The following ZNF420 variants were observed in gnomAD, a reference collection of about 807,000 sequenced individuals.
The protein encoded by ZNF420 is zinc finger protein 420.
A neutral mutation model predicts 44.7 loss-of-function variants in ZNF420; 31 were observed. The observed-to-expected ratio is 0.69, with a 90% CI of 0.52 to 0.94. The LOEUF is 0.94. Ranked by LOEUF, ZNF420 falls within the 40% of genes least tolerant of loss-of-function variation. The probability of loss-of-function intolerance (pLI) is 0.00; values close to 1 mark genes in which losing one functional copy is unlikely to be tolerated. For missense variants in ZNF420, 681 were observed against 827.9 expected, an observed-to-expected ratio of 0.82 and a Z score of 2.18; for synonymous variants, 245 against 267.4, an observed-to-expected ratio of 0.92 and a Z score of 0.82.
At chr19:37,124,905 C>T (rs184147308) in intron 4 of ZNF420, among the ~76,000 whole-genome samples, 115 of 152,002 alleles carry the variant, frequency 7.6e-4, no homozygotes, top group Admixed American at 2.4e-3. Context: ...GGCATGATCT[C>T]GGCTCACTGC....
At chr19:37,121,945 T>C (rs1242573402) in intron 4 of ZNF420, among the ~76,000 whole-genome samples, 1 of 152,102 alleles carries the variant, frequency 6.6e-6, no homozygotes, top group Non-Finnish European at 1.5e-5. Flanking sequence ...ATGGCAATCA[T>C]TAAAAAGTCA....
At chr19:37,119,215 T>A (rs1970877564) in intron 4 of ZNF420, among the ~76,000 whole-genome samples, 1 of 151,910 alleles carries the variant, frequency 6.6e-6, no homozygotes. Flanking sequence ...GACCACATAG[T>A]TCGAAGTAAA....
At chr19:37,040,984 A>T (rs1244278524) in intron 1 of ZNF420, among the ~76,000 whole-genome samples, 1 of 151,890 alleles carries the variant, frequency 6.6e-6, no homozygotes, top group Non-Finnish European at 1.5e-5. Flanking sequence ...GCTTACTGGA[A>T]AATTATAGGC....
At chr19:37,065,284 G>C (rs1012528884) in intron 1 of ZNF420, among the ~76,000 whole-genome samples, 1 of 152,194 alleles carries the variant, frequency 6.6e-6, no homozygotes, top group Non-Finnish European at 1.5e-5. Flanking sequence ...CTTTAGCATA[G>C]AGCTTGGTGT....
At chr19:37,125,367 G>A (rs1462785309) in intron 4 of ZNF420, among the ~76,000 whole-genome samples, 1 of 152,168 alleles carries the variant, frequency 6.6e-6, no homozygotes, top group African/African-American at 2.4e-5. Flanking sequence ...CTATTTGAAA[G>A]GGATAGAGAG....
At chr19:37,054,471 G>C (rs138681040) in intron 1 of ZNF420, among the ~76,000 whole-genome samples, 214 of 152,250 alleles carry the variant, frequency 1.4e-3, no homozygotes, top group African/African-American at 4.9e-3. Context: ...CTCTAGACTG[G>C]AGCTGTTCCT....
intron 1 of ZNF420, among the ~76,000 whole-genome samples, chr19:37,062,277 T>G (rs1568434147): frequency 6.6e-6 from 1 of 152,216 alleles, no homozygotes; most frequent in East Asian, 1.9e-4. Context: ...GTTCTAGAAG[T>G]CATAGGAAAG....
intron 1 of ZNF420, among the ~76,000 whole-genome samples, chr19:37,035,821 C>CAAT (rs56869716): frequency 0.56 from 84,685 of 151,648 alleles, 25,146 homozygotes; most frequent in African/African-American, 0.75. Flanking sequence ...AGCTATCATT[C>CAAT]AATAATCATA....
At chr19:37,105,249 A>T (rs2146625478) in intron 4 of ZNF420, among the ~76,000 whole-genome samples, 1 of 152,318 alleles carries the variant, frequency 6.6e-6, no homozygotes, top group Middle Eastern at 3.4e-3. Flanking sequence ...CATTTATTAA[A>T]TAGGGAATCC....
intron 4 of ZNF420, among the ~76,000 whole-genome samples, chr19:37,096,525 G>C (rs1969464368): frequency 1.3e-5 from 2 of 152,126 alleles, no homozygotes; most frequent in Non-Finnish European, 2.9e-5. Flanking sequence ...TTTGTAAAGA[G>C]GTTTGTTTGT....
In ZNF420 at chr19:37,083,613, T is replaced by G. The variant is rs144871617; in HGVS notation, c.-81+3225T>G. On this transcript the variant is annotated intron_variant, in intron 2 of 4. Transcript: ENST00000337995. ...GTTCCATGTATGGCAAGTGGAAGGT[T>G]TACCCTCTCTGATTTGTCTGCTTTT... Among the ~76,000 whole-genome samples, 7 of 152,338 alleles carry G rather than the reference T, an allele frequency of 4.6e-5. No individual in the cohort carries two copies. In the East Asian group the frequency reaches 1.3e-3, roughly 29 times the overall value.
At chr19:37,072,949 T>C (rs1968082887) in intron 1 of ZNF420, among the ~76,000 whole-genome samples, 1 of 152,254 alleles carries the variant, frequency 6.6e-6, no homozygotes, top group African/African-American at 2.4e-5. Context: ...AAATAGTATG[T>C]AGTAAGTGAT....
intron 1 of ZNF420, among the ~76,000 whole-genome samples, chr19:37,060,659 G>C (rs34193103): frequency 0.16 from 24,406 of 151,650 alleles, 2,090 homozygotes; most frequent in African/African-American, 0.23. Flanking sequence ...GCTCCCATAC[G>C]TGTCTCAGAC....
intron 4 of ZNF420, chr19:37,091,553 C>T (rs1481164776): frequency 6.6e-6 from 1 of 152,480 alleles, no homozygotes; most frequent in Non-Finnish European, 1.5e-5. Context: ...TGCATTTCAC[C>T]AACAACTCAA....
At chr19:37,089,170 C>T (rs1163476451) in intron 3 of ZNF420, 43 bp downstream of exon 3, 3 of 1,572,092 alleles carry the variant, frequency 1.9e-6, no homozygotes, top group Non-Finnish European at 2.6e-6. Flanking sequence ...TACTTTTTTA[C>T]AGAGCATGTG....
chr19:37,094,926 A>T (rs560595393), intron 4 of ZNF420, among the ~76,000 whole-genome samples: 12 of 152,058 alleles, frequency 7.9e-5, no homozygotes, highest in Non-Finnish European at 1.3e-4. Flanking sequence ...AGGTCAAGAG[A>T]TCAAGACCAT....
chr19:37,087,282 CAAA>C (rs199903253), intron 2 of ZNF420, among the ~76,000 whole-genome samples: 19,807 of 121,198 alleles, frequency 0.16, 2,078 homozygotes, highest in African/African-American at 0.31. Context: ...GACCCTGTCT[CAAA>C]AAAAAAAATA....
chr19:37,021,936 CAAAAAAAAAAAAAAA>C (rs60559933), intron 1 of ZNF420, among the ~76,000 whole-genome samples: 1 of 84,582 alleles, frequency 1.2e-5, no homozygotes. Context: ...CAGTCTGTCT[CAAAAAAAAAAAAAAA>C]AAAAAAAAAA....
intron 1 of ZNF420, among the ~76,000 whole-genome samples, chr19:37,058,772 T>G (rs1967806566): frequency 6.6e-6 from 1 of 152,108 alleles, no homozygotes; most frequent in Non-Finnish European, 1.5e-5. Context: ...TAATGCACAC[T>G]CACCCAATCT....
Sources: allele counts gnomAD v4.1 joint callset (sites outside exome capture counted in the v4.1 genomes callset), GRCh38; gene constraint gnomAD v4.1.1; transcripts MANE v1.5; gene names NCBI Gene and HGNC (gene_info 2026-07-23, HGNC 2026-07-21).